TRMT10B: variants seen among roughly 807,000 people sequenced by gnomAD.
TRMT10B encodes the protein tRNA methyltransferase 10 homolog B.
In TRMT10B, 33 loss-of-function variants were observed where a neutral mutation model predicts 43.8. The observed-to-expected ratio is 0.75, with a 90% CI of 0.57 to 1.01. The LOEUF is 1.01. Ranked by LOEUF, TRMT10B falls within the 50% of genes least tolerant of loss-of-function variation. TRMT10B has a pLI of 0.00. For synonymous variants in TRMT10B, 137 were observed against 130.6 expected, an observed-to-expected ratio of 1.05 and a Z score of -0.34; for missense variants, 362 against 369.8, an observed-to-expected ratio of 0.98 and a Z score of 0.17.
intron 1 of TRMT10B, among the ~76,000 whole-genome samples, chr9:37,755,864 T>C (rs1287892657): frequency 2.0e-5 from 3 of 151,676 alleles, no homozygotes; most frequent in African/African-American, 7.3e-5. Context: ...CAAGGTTCTA[T>C]ACTGTGAACT....
chr9:37,760,025 TGAA>T (rs1243773502), intron 1 of TRMT10B, among the ~76,000 whole-genome samples: 2 of 152,220 alleles, frequency 1.3e-5, no homozygotes, highest in Middle Eastern at 3.4e-3. Flanking sequence ...AGATAACTAA[TGAA>T]GAATTAAAAA....
At chr9:37,759,506 GAGA>G (rs766105133) in intron 1 of TRMT10B, among the ~76,000 whole-genome samples, 5 of 152,238 alleles carry the variant, frequency 3.3e-5, no homozygotes, top group Admixed American at 6.5e-5. Flanking sequence ...TTGGAAAGTG[GAGA>G]AGAAAGTTAA....
At chr9:37,757,795 C>G (rs541578651) in intron 1 of TRMT10B, among the ~76,000 whole-genome samples, 1 of 152,188 alleles carries the variant, frequency 6.6e-6, no homozygotes, top group African/African-American at 2.4e-5. Flanking sequence ...CCTGTGAGGT[C>G]GTTTTATCCC....
chr9:37,754,356 A>G (rs1214458513), intron 1 of TRMT10B, among the ~76,000 whole-genome samples: 1 of 152,194 alleles, frequency 6.6e-6, no homozygotes, highest in Non-Finnish European at 1.5e-5. Context: ...GGTAAAGAGA[A>G]CGGCGAATGT....
In TRMT10B at chr9:37,777,638, C is replaced by T; in HGVS notation, c.882C>T (p.Asn294=). ...TGTCCACTTACTTAGAGACTCACAA[C>T]TGGCCTGAAGCATTGAAGAAAGGAG... ...DILSTYLETH[N]WPEALKKGVS... Residue 294 remains asparagine (N), a synonymous_variant, in exon 9 of 9, where the codon AAC becomes AAT. Coordinates refer to ENST00000297994, the MANE Select transcript of TRMT10B (RefSeq NM_144964.4). 1 of 1,614,010 alleles carries T rather than the reference C, an allele frequency of 6.2e-7. No individual in the cohort carries two copies. The highest frequency in any genetic ancestry group is 8.5e-7 in the Non-Finnish European group (1 of 1,179,976).
At chr9:37,764,576 A>G (rs1382157773) in intron 4 of TRMT10B, among the ~76,000 whole-genome samples, 1 of 151,730 alleles carries the variant, frequency 6.6e-6, no homozygotes, top group Non-Finnish European at 1.5e-5. Flanking sequence ...TGCGCCTGGC[A>G]CACCCAGCTA....
intron 8 of TRMT10B, among the ~76,000 whole-genome samples, chr9:37,777,212 A>T (rs1340726524): frequency 9.6e-6 from 1 of 103,768 alleles, no homozygotes; most frequent in Non-Finnish European, 2.2e-5. Flanking sequence ...AAAAAAAAAA[A>T]AAAAAAAAAA....
At chr9:37,776,475 G>A (rs1283921714) in intron 8 of TRMT10B, 70 bp downstream of exon 8, 1 of 1,499,246 alleles carries the variant, frequency 6.7e-7, no homozygotes, top group African/African-American at 1.4e-5. Context: ...GTGTTTAAGT[G>A]GCCTTTGAGT....
At chr9:37,757,916 G>A (rs748939328) in intron 1 of TRMT10B, among the ~76,000 whole-genome samples, 8 of 152,080 alleles carry the variant, frequency 5.3e-5, no homozygotes, top group Non-Finnish European at 7.4e-5. Flanking sequence ...CTATTTTCCC[G>A]CTTAAACCTA....
chr9:37,768,023 AT>A (rs2118846859), intron 4 of TRMT10B, 52 bp from the exon 5 acceptor site: 1 of 1,602,958 alleles, frequency 6.2e-7, no homozygotes, highest in East Asian at 2.2e-5. Flanking sequence ...TTGATAGCTA[AT>A]TTAGAGTGAG....
At chr9:37,753,554 A>G (rs1218303567), upstream of TRMT10B, among the ~76,000 whole-genome samples, 23 of 152,090 alleles carry the variant, frequency 1.5e-4, no homozygotes, top group Admixed American at 1.5e-3. Flanking sequence ...CCAACAGAGC[A>G]CCTGTAGGAG....
intron 7 of TRMT10B, 108 bp from the exon 8 acceptor site, chr9:37,776,174 C>A: frequency 2.1e-6 from 2 of 937,928 alleles, no homozygotes; most frequent in Non-Finnish European, 2.9e-6. Context: ...TCATTATCTG[C>A]AGTTTCTTCC....
At chr9:37,775,826 CTTTCT>C (rs1299454677) in intron 7 of TRMT10B, among the ~76,000 whole-genome samples, 3 of 152,222 alleles carry the variant, frequency 2.0e-5, no homozygotes, top group African/African-American at 4.8e-5. Flanking sequence ...CACCTGGCCC[CTTTCT>C]TTTAATTGGG....
intron 3 of TRMT10B, 92 bp from the exon 4 acceptor site, chr9:37,763,537 A>C: frequency 9.1e-7 from 1 of 1,104,606 alleles, no homozygotes; most frequent in Non-Finnish European, 1.3e-6. Context: ...GTTTCTCTTT[A>C]TATGCAAAAT....
Position 37,761,973 on chromosome 9 carries a change from A to G in TRMT10B, c.42A>G (p.Ser14=), listed in dbSNP as rs1026284238. 2.5e-6 allele frequency: 4 copies of G among 1,613,824 alleles called. No homozygotes were observed. The African/African-American group carries it at 4.0e-5, about 16-fold the overall frequency. Residue 14 remains serine, a synonymous_variant, in exon 2 of 9, where the codon TCA becomes TCG. Coordinates refer to ENST00000297994, the MANE Select transcript of TRMT10B (RefSeq NM_144964.4). The stretch of plus-strand genomic sequence containing the variant: ...AAGGGAGTACTCAGAAAGTAGAGTC[A>G]CCTGTGCTGCAGGGGCAAGAAGGCA... ...KLEGSTQKVE[S]PVLQGQEGIL... is the part of the protein sequence containing the mutation.
chr9:37,761,776 A>G, intron 1 of TRMT10B, 127 bp from the exon 2 acceptor site: 1 of 636,086 alleles, frequency 1.6e-6, no homozygotes, highest in Admixed American at 3.0e-5. Context: ...TTCTCAGTCC[A>G]GTAAATCTGG....
At position 37,762,639 on chromosome 9, in the gene TRMT10B, A is replaced by C. The variant is rs1295555807; in HGVS notation, c.249A>C (p.Arg83Ser). ...TAGTTGCAGCAAAGAAGAGCAAAAG[A>C]AAGCAAGAAAAAGAACGAAGAAAAG... is the stretch of plus-strand genomic sequence containing the variant. ...EKIVAAKKSK[R>S]KQEKERRKAN... is the part of the protein sequence containing the mutation. The change falls in exon 3 of 9, where the codon AGA (arginine) becomes AGC (serine). Residue 83 changes from arginine to serine, a missense_variant. Arg to Ser is a moderately radical substitution (Grantham distance 110). Coordinates refer to ENST00000297994, the MANE Select transcript of TRMT10B (RefSeq NM_144964.4). 1.7e-5 allele frequency: 27 copies of C among 1,596,826 alleles called. No individual in the cohort carries two copies. The highest frequency in any genetic ancestry group is 2.2e-5 in the Non-Finnish European group (26 of 1,170,674).
chr9:37,770,639 A>T, intron 6 of TRMT10B, 33 bp from the exon 7 acceptor site: 4 of 1,571,098 alleles, frequency 2.5e-6, no homozygotes, highest in Non-Finnish European at 3.5e-6. Context: ...TATAAAACAG[A>T]TTTGATCTCA....
intron 1 of TRMT10B, among the ~76,000 whole-genome samples, 186 bp downstream of exon 1, chr9:37,754,038 G>A (rs989668565): frequency 6.6e-6 from 1 of 152,228 alleles, no homozygotes. Flanking sequence ...TGTGGGCCGG[G>A]AGAGACCCGC....
Sources: allele counts gnomAD v4.1 joint callset (sites outside exome capture counted in the v4.1 genomes callset), GRCh38; gene constraint gnomAD v4.1.1; transcripts MANE v1.5; gene names NCBI Gene and HGNC (gene_info 2026-07-23, HGNC 2026-07-21).